Variants in RCSD1 observed in about 807,000 individuals in gnomAD.
RCSD1 encodes the protein RCSD domain containing 1, also known as capZ-interacting protein.
Under a neutral mutation model 42.5 loss-of-function variants are expected in RCSD1, and 26 were observed. The ratio of observed to expected loss-of-function variants is 0.61; its 90% CI spans 0.45 to 0.85. The LOEUF is 0.85. RCSD1 is among the 40% of genes least tolerant of loss of function. The pLI, the probability that RCSD1 is intolerant of heterozygous loss-of-function variation, is 0.00. For synonymous variants in RCSD1, 220 were observed against 212.2 expected (o/e 1.04, Z -0.32); for missense variants, 571 against 528.3 (o/e 1.08, Z -0.79).
At chr1:167,670,913 A>C (rs1454522061) in intron 1 of RCSD1, among the ~76,000 whole-genome samples, 1 of 152,088 alleles carries the variant, frequency 6.6e-6, no homozygotes, top group Admixed American at 6.5e-5. Flanking sequence ...CATCCAGGCC[A>C]TCATCCTCTC....
chr1:167,644,722 C>T (rs1658091418), intron 1 of RCSD1, among the ~76,000 whole-genome samples: 1 of 152,136 alleles, frequency 6.6e-6, no homozygotes, highest in Admixed American at 6.5e-5. Context: ...CCTTTCACAC[C>T]TCTGTGGGGA....
chr1:167,657,546 G>A (rs1434849345), intron 1 of RCSD1, among the ~76,000 whole-genome samples: 1 of 152,116 alleles, frequency 6.6e-6, no homozygotes, highest in Non-Finnish European at 1.5e-5. Flanking sequence ...CAGCTTCAAG[G>A]TGCATACATT....
Position 167,697,843 on chromosome 1 carries a change from G to A in RCSD1, c.1218+1G>A. 4 of 1,460,980 alleles carry A rather than the reference G, an allele frequency of 2.7e-6. No homozygotes were observed. Among genetic ancestry groups the A allele is most frequent in the Non-Finnish European group, 3.6e-6 (4 of 1,106,288 alleles). 90.5% of individuals were successfully genotyped at this position (1,460,980 alleles called of 1,614,324 possible). A position where few individuals can be genotyped will look rare whatever the true frequency, so the allele number is the denominator to read the frequency against. ...CGAGCCAGCAGTCCCCAAGCCGGAG[G>A]TAGGTGGCCTGGCTCGTTCACATGC... On this transcript the variant is annotated splice_donor_variant, in intron 6 of 6. Coordinates refer to ENST00000367854, the MANE Select transcript of RCSD1 (RefSeq NM_052862.4). LOFTEE classifies it high-confidence loss of function.
intron 3 of RCSD1, among the ~76,000 whole-genome samples, chr1:167,688,989 T>C (rs1179238009): frequency 6.6e-6 from 1 of 152,176 alleles, no homozygotes; most frequent in Non-Finnish European, 1.5e-5. Flanking sequence ...TATTTTTACA[T>C]GATATGGATC....
At chr1:167,678,478 G>A (rs1571698043) in intron 1 of RCSD1, among the ~76,000 whole-genome samples, 2 of 149,258 alleles carry the variant, frequency 1.3e-5, no homozygotes, top group South Asian at 2.1e-4. Context: ...AGTCATCCAT[G>A]ATTCTTCTCT....
chr1:167,659,873 G>T (rs2102213161), intron 1 of RCSD1, among the ~76,000 whole-genome samples: 1 of 152,164 alleles, frequency 6.6e-6, no homozygotes, highest in East Asian at 1.9e-4. Context: ...GCCTCCCAGG[G>T]TTACAGGGTC....
intron 1 of RCSD1, among the ~76,000 whole-genome samples, chr1:167,670,856 T>C (rs1367971549): frequency 6.6e-6 from 1 of 152,090 alleles, no homozygotes; most frequent in Non-Finnish European, 1.5e-5. Context: ...TCCTCCTAAA[T>C]TGCTTTTGAG....
intron 1 of RCSD1, among the ~76,000 whole-genome samples, chr1:167,662,611 C>T (rs888252254): frequency 6.6e-6 from 1 of 152,166 alleles, no homozygotes; most frequent in Non-Finnish European, 1.5e-5. Flanking sequence ...CTCTCCTTTT[C>T]GAAAGAACGG....
intron 1 of RCSD1, among the ~76,000 whole-genome samples, chr1:167,679,010 C>T (rs927487498): frequency 7.2e-5 from 11 of 152,212 alleles, no homozygotes; most frequent in African/African-American, 1.4e-4. Context: ...CTTATGGTTT[C>T]GCTGTGTACC....
chr1:167,704,564 G>A (rs1659713503), intron 6 of RCSD1, 100 bp from the exon 7 acceptor site: 2 of 1,007,334 alleles, frequency 2.0e-6, no homozygotes, highest in Admixed American at 1.8e-5. Context: ...TACTCCTACT[G>A]TTACTATTAT....
chr1:167,685,543 G>A, intron 3 of RCSD1, 33 bp downstream of exon 3: 2 of 1,573,650 alleles, frequency 1.3e-6, no homozygotes, highest in Non-Finnish European at 1.7e-6. Context: ...AGAGGATGCT[G>A]TGATGGGTTT....
chr1:167,645,463 G>C (rs1052863334), intron 1 of RCSD1, among the ~76,000 whole-genome samples: 3 of 152,208 alleles, frequency 2.0e-5, no homozygotes, highest in East Asian at 3.8e-4. Flanking sequence ...GCAGGACACA[G>C]GATATGCTAA....
chr1:167,644,133 C>T (rs896216935), intron 1 of RCSD1, among the ~76,000 whole-genome samples: 3 of 152,154 alleles, frequency 2.0e-5, no homozygotes, highest in African/African-American at 7.2e-5. Flanking sequence ...AAGTGTCAGG[C>T]TCATGGGCAG....
At chr1:167,681,871 G>T (rs1187503021) in intron 1 of RCSD1, among the ~76,000 whole-genome samples, 4 of 152,204 alleles carry the variant, frequency 2.6e-5, no homozygotes, top group Non-Finnish European at 5.9e-5. Flanking sequence ...TCCTTATGTG[G>T]CAAGTGTGAG....
At chr1:167,698,222 G>A (rs1220857390) in intron 6 of RCSD1, among the ~76,000 whole-genome samples, 1 of 152,142 alleles carries the variant, frequency 6.6e-6, no homozygotes, top group East Asian at 1.9e-4. Flanking sequence ...AAAAAGAAAG[G>A]GGAGCTCCTT....
At chr1:167,647,048 T>G (rs1303589108) in intron 1 of RCSD1, among the ~76,000 whole-genome samples, 2 of 147,256 alleles carry the variant, frequency 1.4e-5, no homozygotes, top group Non-Finnish European at 3.0e-5. Flanking sequence ...GAGAATCGCT[T>G]GAACCTGGGA....
At position 167,704,719 on chromosome 1, in the gene RCSD1, T is replaced by C. The variant is rs566335810; in HGVS notation, c.*23T>C. On this transcript the variant is annotated 3_prime_UTR_variant, in exon 7 of 7. Coordinates refer to ENST00000367854, the MANE Select transcript of RCSD1 (RefSeq NM_052862.4). ...TGAAGAACAGCTCATTGTGCCCCAG[T>C]GATGAAGTTGCTGGACACATCTCTT... 1 of 1,609,826 alleles carries C rather than the reference T, an allele frequency of 6.2e-7. No homozygotes were observed. Among genetic ancestry groups the C allele is most frequent in the East Asian group, 2.2e-5 (1 of 44,848 alleles).
At chr1:167,696,644 A>G (rs1022272496) in intron 5 of RCSD1, among the ~76,000 whole-genome samples, 1 of 151,898 alleles carries the variant, frequency 6.6e-6, no homozygotes, top group Non-Finnish European at 1.5e-5. Context: ...GTAGAGATGG[A>G]GTCTCGCTAC....
At chr1:167,641,261 G>T (rs932738176) in intron 1 of RCSD1, 23 of 152,270 alleles carry the variant, frequency 1.5e-4, no homozygotes, top group African/African-American at 5.3e-4. Flanking sequence ...GGTGTAAGCA[G>T]GCTGGGAAGA....
Sources: gnomAD v4.1 joint callset for allele counts (sites outside exome capture counted in the v4.1 genomes callset) on GRCh38, gnomAD v4.1.1 for gene constraint, MANE v1.5 for transcripts, NCBI Gene and HGNC (gene_info 2026-07-23, HGNC 2026-07-21) for gene names.